The following MDFIC variants were observed in gnomAD, a reference collection of about 807,000 sequenced individuals.
The protein encoded by MDFIC is myoD family inhibitor domain-containing protein.
Under a neutral mutation model 23.2 loss-of-function variants are expected in MDFIC, and 17 were observed. That is an observed-to-expected ratio of 0.73 (90% confidence interval 0.50 to 1.10). The LOEUF is 1.10. Ranked by LOEUF, MDFIC falls within the 50% of genes least tolerant of loss-of-function variation. MDFIC has a pLI of 0.00. For synonymous variants in MDFIC, 120 were observed against 115.2 expected (o/e 1.04, Z -0.27); for missense variants, 356 against 316.6 (o/e 1.12, Z -0.95).
At chr7:114,931,199 C>T (rs1792301957) in intron 2 of MDFIC, among the ~76,000 whole-genome samples, 1 of 152,128 alleles carries the variant, frequency 6.6e-6, no homozygotes, top group African/African-American at 2.4e-5. Flanking sequence ...TTTTTGAAGT[C>T]TAGTTATATT....
chr7:114,922,574 CG>C lies in MDFIC; in HGVS notation c.-166del. On this transcript the variant is annotated 5_prime_UTR_variant, in exon 1 of 5. Transcript: ENST00000393486. ...CGCTGCCGGAGGCTCGCTAACTTTC[CG>C]GGGCGGAAGAGGAGGAGGAGGAGGA... 1 of 1,267,792 alleles carries C rather than the reference CG, an allele frequency of 7.9e-7. No homozygotes were observed. The highest frequency in any genetic ancestry group is 1.0e-6 in the Non-Finnish European group (1 of 999,688). The allele number at this position is 1,267,792 out of a possible 1,614,324, so 78.5% of individuals were successfully genotyped here. A position where few individuals can be genotyped will look rare whatever the true frequency, so the allele number is the denominator to read the frequency against.
chr7:114,989,804 C>A (rs922944645), intron 4 of MDFIC, among the ~76,000 whole-genome samples: 2 of 152,060 alleles, frequency 1.3e-5, no homozygotes, highest in African/African-American at 4.8e-5. Context: ...TTCTCAAATC[C>A]CTACTCCTAC....
chr7:114,960,238 T>G (rs1792963129), intron 3 of MDFIC, among the ~76,000 whole-genome samples: 1 of 152,164 alleles, frequency 6.6e-6, no homozygotes, highest in Non-Finnish European at 1.5e-5. Flanking sequence ...TAGATGGATA[T>G]GAGTCACACA....
chr7:115,015,747 A>T lies in MDFIC; in HGVS notation c.553A>T (p.Ile185Phe). 6.2e-7 allele frequency: 1 copy of T among 1,614,148 alleles called. No homozygotes were observed. Among genetic ancestry groups the T allele is most frequent in the Non-Finnish European group, 8.5e-7 (1 of 1,180,030 alleles). Residue 185 changes from isoleucine to phenylalanine, a missense_variant, in exon 5 of 5, where the codon ATT (isoleucine) becomes TTT (phenylalanine). Transcript: ENST00000393486. ...CTGCGAATTCCTGACCCTTTGCAAC[A>T]TTGTCCTGGGACAAGCGTCATGTGG... The part of the protein sequence containing the change: ...LFCEFLTLCN[I>F]VLGQASCGIC...
intron 4 of MDFIC, among the ~76,000 whole-genome samples, chr7:115,009,637 A>T (rs766252469): frequency 2.6e-5 from 4 of 152,214 alleles, no homozygotes; most frequent in Non-Finnish European, 5.9e-5. Context: ...GACTTCTAAG[A>T]TGCTGTTTAA....
intron 4 of MDFIC, among the ~76,000 whole-genome samples, chr7:114,990,644 C>T (rs1363676077): frequency 6.6e-6 from 1 of 152,094 alleles, no homozygotes; most frequent in East Asian, 1.9e-4. Context: ...TGATGGTTTC[C>T]AGATTCATCC....
chr7:114,998,190 ACTGT>A (rs889008751), intron 4 of MDFIC, among the ~76,000 whole-genome samples: 11 of 152,320 alleles, frequency 7.2e-5, no homozygotes, highest in Admixed American at 4.6e-4. Context: ...TATGACAAAA[ACTGT>A]CTGATGACTC....
chr7:114,986,033 T>G (rs890808177), intron 4 of MDFIC, among the ~76,000 whole-genome samples: 7 of 26,204 alleles, frequency 2.7e-4, no homozygotes, highest in Non-Finnish European at 4.3e-4. Flanking sequence ...ACCTTTGCAG[T>G]TTTTTTTTTT....
At chr7:114,984,866 T>C (rs1010488103) in intron 4 of MDFIC, among the ~76,000 whole-genome samples, 1 of 152,220 alleles carries the variant, frequency 6.6e-6, no homozygotes, top group African/African-American at 2.4e-5. Flanking sequence ...AATTTTATAC[T>C]TTTTAGGAAT....
rs532174574 is a variant in MDFIC at position 114,929,327 on chromosome 7, C to T, written c.94+6200C>T. ...TTCACCATATTGGCCAGGTTGGTCTCGAACTCTTGACCTTGTGATCCCCTG... is the reference window on the plus strand; with the variant it reads ...TTCACCATATTGGCCAGGTTGGTCTTGAACTCTTGACCTTGTGATCCCCTG... On this transcript the variant is annotated intron_variant, in intron 2 of 4. Transcript: ENST00000393486. Among the ~76,000 whole-genome samples, 179 of 152,238 alleles carry T rather than the reference C, an allele frequency of 1.2e-3. 2 individuals carry two copies. Among genetic ancestry groups the T allele is most frequent in the African/African-American group, 4.1e-3 (171 of 41,540 alleles).
chr7:115,013,128 T>A (rs1389876159), intron 4 of MDFIC, among the ~76,000 whole-genome samples: 2 of 152,218 alleles, frequency 1.3e-5, no homozygotes, highest in African/African-American at 2.4e-5. Flanking sequence ...CCGAAGATGC[T>A]ACTCACAGCA....
chr7:114,944,983 G>A (rs1792616583), intron 3 of MDFIC, among the ~76,000 whole-genome samples: 1 of 152,238 alleles, frequency 6.6e-6, no homozygotes, highest in Non-Finnish European at 1.5e-5. Context: ...TCAGAAAAAT[G>A]AGGCTGGCTG....
intron 2 of MDFIC, among the ~76,000 whole-genome samples, chr7:114,924,165 G>T (rs1195764085): frequency 6.6e-6 from 1 of 152,190 alleles, no homozygotes; most frequent in African/African-American, 2.4e-5. Flanking sequence ...GAGTGACTCA[G>T]CTTTCTAAAC....
rs1473970895 is a variant in MDFIC, at chr7:115,018,271, ACCT to A, written c.*2340_*2342del. On this transcript the variant is annotated 3_prime_UTR_variant, in exon 5 of 5. Coordinates refer to ENST00000393486, the MANE Select transcript of MDFIC (RefSeq NM_001166345.3). ...TATCATCTGTTTATGGACACATGAA[ACCT>A]CCTAATGACCTGGAATTGTTAGAAT... 6.6e-6 allele frequency: 1 copy of A among 151,978 alleles called. No individual in the cohort carries two copies. The highest frequency in any genetic ancestry group is 1.5e-5 in the Non-Finnish European group (1 of 67,864). 9.4% of individuals were successfully genotyped at this position (151,978 alleles called of 1,614,324 possible). A position where few individuals can be genotyped will look rare whatever the true frequency, so the allele number is the denominator to read the frequency against.
At chr7:114,937,188 G>C (rs2115735449) in intron 2 of MDFIC, among the ~76,000 whole-genome samples, 1 of 152,164 alleles carries the variant, frequency 6.6e-6, no homozygotes, top group East Asian at 1.9e-4. Flanking sequence ...CCTTTACCAG[G>C]AAGAATTGAG....
intron 2 of MDFIC, chr7:114,923,426 C>A: frequency 6.5e-7 from 1 of 1,531,120 alleles, no homozygotes; most frequent in South Asian, 1.2e-5. Context: ...GCCTAAGACT[C>A]AATGTGTAGG....
At chr7:114,958,070 A>G (rs1450128244) in intron 3 of MDFIC, among the ~76,000 whole-genome samples, 3 of 152,258 alleles carry the variant, frequency 2.0e-5, no homozygotes, top group Non-Finnish European at 4.4e-5. Flanking sequence ...TGAAATAAAT[A>G]TGTGCTGAGA....
At chr7:115,003,594 G>A (rs1791507830) in intron 4 of MDFIC, among the ~76,000 whole-genome samples, 1 of 152,064 alleles carries the variant, frequency 6.6e-6, no homozygotes, top group Non-Finnish European at 1.5e-5. Context: ...ATCACTGCAT[G>A]TCGTTCCTGC....
chr7:114,955,055 C>A (rs772620641), intron 3 of MDFIC, among the ~76,000 whole-genome samples: 1 of 151,986 alleles, frequency 6.6e-6, no homozygotes, highest in Non-Finnish European at 1.5e-5. Flanking sequence ...CTTCCCAGAC[C>A]CCCATCTACA....
Sources: gnomAD v4.1 joint callset for allele counts (sites outside exome capture counted in the v4.1 genomes callset) on GRCh38, gnomAD v4.1.1 for gene constraint, MANE v1.5 for transcripts, NCBI Gene and HGNC (gene_info 2026-07-23, HGNC 2026-07-21) for gene names.